The following SPPL2A variants were observed in gnomAD, a reference collection of about 807,000 sequenced individuals.
SPPL2A encodes signal peptide peptidase like 2A, also known as signal peptide peptidase-like 2A.
SPPL2A carries 51 observed loss-of-function variants against 63.8 expected under a neutral mutation model. That is an observed-to-expected ratio of 0.80 (90% confidence interval 0.64 to 1.01). SPPL2A has a LOEUF of 1.01. Ranked by LOEUF, SPPL2A falls within the 50% of genes least tolerant of loss-of-function variation. The pLI, the probability that SPPL2A is intolerant of heterozygous loss-of-function variation, is 0.00. For synonymous variants in SPPL2A, 188 were observed against 205.8 expected (o/e 0.91, Z 0.74); for missense variants, 553 against 622.7 (o/e 0.89, Z 1.19).
chr15:50,746,165 C>A (rs1452813881), intron 5 of SPPL2A, among the ~76,000 whole-genome samples: 2 of 151,648 alleles, frequency 1.3e-5, no homozygotes, highest in South Asian at 2.1e-4. Context: ...GGAGGCCAGG[C>A]ACAGTGACTC....
At chr15:50,718,273 G>T (rs890299763) in intron 14 of SPPL2A, among the ~76,000 whole-genome samples, 2 of 151,912 alleles carry the variant, frequency 1.3e-5, no homozygotes, top group Non-Finnish European at 2.9e-5. Flanking sequence ...CACCGCGACC[G>T]GCTAGACTGT....
At chr15:50,755,627 C>CA (rs148415568) in intron 1 of SPPL2A, among the ~76,000 whole-genome samples, 846 of 49,448 alleles carry the variant, frequency 0.017, 43 homozygotes, top group Middle Eastern at 0.03. Context: ...CACCCTGTCT[C>CA]AAAAAAAAAA....
intron 5 of SPPL2A, among the ~76,000 whole-genome samples, chr15:50,741,490 C>T (rs925077669): frequency 6.6e-6 from 1 of 151,726 alleles, no homozygotes; most frequent in African/African-American, 2.4e-5. Context: ...AAATGTGGTA[C>T]CTGAGTGTAA....
At chr15:50,744,987 A>G (rs1332348207) in intron 5 of SPPL2A, among the ~76,000 whole-genome samples, 1 of 152,202 alleles carries the variant, frequency 6.6e-6, no homozygotes, top group Non-Finnish European at 1.5e-5. Flanking sequence ...AAAACATTTA[A>G]AACTGTTGTT....
At chr15:50,715,594 C>T (rs2062593846) in intron 14 of SPPL2A, among the ~76,000 whole-genome samples, 1 of 150,204 alleles carries the variant, frequency 6.7e-6, no homozygotes, top group Non-Finnish European at 1.5e-5. Context: ...ACAGTAGCTG[C>T]CCGTTAAGGG....
intron 14 of SPPL2A, among the ~76,000 whole-genome samples, chr15:50,709,087 G>T (rs1038267388): frequency 1.3e-5 from 2 of 151,764 alleles, no homozygotes; most frequent in African/African-American, 4.8e-5. Context: ...GGTCACTTCA[G>T]CTCTGCCTAT....
At chr15:50,736,488 A>G (rs2062772246) in intron 7 of SPPL2A, among the ~76,000 whole-genome samples, 156 bp downstream of exon 7, 1 of 152,206 alleles carries the variant, frequency 6.6e-6, no homozygotes, top group South Asian at 2.1e-4. Context: ...GAAAAACTCA[A>G]TTTTTAATTT....
At chr15:50,721,192 C>A (rs141697699) in intron 13 of SPPL2A, among the ~76,000 whole-genome samples, 9,685 of 151,928 alleles carry the variant, frequency 0.064, 1,066 homozygotes, top group African/African-American at 0.22. Context: ...CACCACCATG[C>A]CCAGCTACTT....
chr15:50,726,993 T>C (rs979310171), intron 10 of SPPL2A, among the ~76,000 whole-genome samples: 5 of 152,154 alleles, frequency 3.3e-5, no homozygotes, highest in African/African-American at 9.7e-5. Flanking sequence ...ATCAAAACAT[T>C]AACCTTAGCT....
At chr15:50,738,108 CGA>C (rs1243460736) in intron 6 of SPPL2A, among the ~76,000 whole-genome samples, 17 of 152,024 alleles carry the variant, frequency 1.1e-4, no homozygotes, top group African/African-American at 4.1e-4. Flanking sequence ...CGCTTGAATG[CGA>C]GAGGCAGAGG....
chr15:50,718,336 T>C (rs973840123), intron 14 of SPPL2A, among the ~76,000 whole-genome samples: 1 of 152,130 alleles, frequency 6.6e-6, no homozygotes. Flanking sequence ...TCATCTTGTA[T>C]CACCAATACC....
intron 1 of SPPL2A, among the ~76,000 whole-genome samples, chr15:50,753,329 G>T (rs185131322): frequency 6.6e-6 from 1 of 152,198 alleles, no homozygotes; most frequent in Admixed American, 6.5e-5. Flanking sequence ...AGCAAATTTT[G>T]TGAGGGAGCC....
chr15:50,717,756 T>A (rs753056701), intron 14 of SPPL2A, among the ~76,000 whole-genome samples: 6 of 152,132 alleles, frequency 3.9e-5, no homozygotes, highest in Non-Finnish European at 7.3e-5. Flanking sequence ...ACATGGTTCC[T>A]TCAACATGGA....
intron 12 of SPPL2A, among the ~76,000 whole-genome samples, chr15:50,722,676 C>T (rs1280108432): frequency 2.0e-5 from 3 of 152,112 alleles, no homozygotes; most frequent in Admixed American, 6.5e-5. Flanking sequence ...AGGGTGGTCT[C>T]GATCTCCTGA....
At chr15:50,724,462 C>T (rs927041211) in intron 12 of SPPL2A, among the ~76,000 whole-genome samples, 7 of 151,888 alleles carry the variant, frequency 4.6e-5, no homozygotes, top group Non-Finnish European at 7.4e-5. Flanking sequence ...CCTGTAGTCC[C>T]AGTTACTCAG....
intron 10 of SPPL2A, among the ~76,000 whole-genome samples, chr15:50,730,531 C>T (rs1484041222): frequency 2.6e-5 from 4 of 152,116 alleles, no homozygotes; most frequent in Middle Eastern, 3.4e-3. Context: ...CCTCATTCAA[C>T]GCGTTAGTAA....
In SPPL2A at chr15:50,707,793, C is replaced by T. The variant is rs754458986; in HGVS notation, c.*7G>A. 81 of 1,449,586 alleles carry T rather than the reference C, an allele frequency of 5.6e-5. No individual in the cohort carries two copies. The highest frequency in any genetic ancestry group is 6.4e-5 in the Non-Finnish European group (66 of 1,031,322). The allele number at this position is 1,449,586 out of a possible 1,614,324, so 89.8% of individuals were successfully genotyped here. On this transcript the variant is annotated 3_prime_UTR_variant, in exon 15 of 15. Coordinates refer to ENST00000261854, the MANE Select transcript of SPPL2A (RefSeq NM_032802.4). ...TCAATGACACATTATAGCAGTTCCA[C>T]ATAATATTATTGCTGGACAATCTGT... is the stretch of plus-strand genomic sequence containing the variant.
At chr15:50,765,420 G>GGCCCCGCCCA in intron 1 of SPPL2A, 48 bp downstream of exon 1, 1 of 1,438,898 alleles carries the variant, frequency 6.9e-7, no homozygotes, top group Non-Finnish European at 9.2e-7. Flanking sequence ...CCTTGGCCCC[G>GGCCCCGCCCA]GCCCCGCCCA....
chr15:50,745,548 CT>C (rs34633198), intron 5 of SPPL2A, among the ~76,000 whole-genome samples: 75,187 of 117,878 alleles, frequency 0.64, 23,518 homozygotes, highest in Admixed American at 0.71. Flanking sequence ...TGCAGCTGGC[CT>C]TTTTTTTTTT....
Sources: gnomAD v4.1 joint callset for allele counts (sites outside exome capture counted in the v4.1 genomes callset) on GRCh38, gnomAD v4.1.1 for gene constraint, MANE v1.5 for transcripts, NCBI Gene and HGNC (gene_info 2026-07-23, HGNC 2026-07-21) for gene names.